The following EGFLAM variants were observed in gnomAD, a reference collection of about 807,000 sequenced individuals.
EGFLAM encodes the protein pikachurin.
EGFLAM carries 79 observed loss-of-function variants against 113.1 expected under a neutral mutation model. The ratio of observed to expected loss-of-function variants is 0.70; its 90% confidence interval spans 0.58 to 0.84. The LOEUF (loss-of-function observed/expected upper bound fraction) is 0.84. EGFLAM is among the 40% of genes least tolerant of loss of function. EGFLAM has a pLI of 0.00. For missense variants in EGFLAM, 1,265 were observed against 1,291.6 expected (o/e 0.98, Z 0.32); for synonymous variants, 504 against 487.6 (o/e 1.03, Z -0.44).
At chr5:38,284,099 C>T (rs1292700954) in intron 1 of EGFLAM, 1 of 152,274 alleles carries the variant, frequency 6.6e-6, no homozygotes, top group Non-Finnish European at 1.5e-5. Context: ...CAAAGTGAGG[C>T]ACTACTGAAG....
intron 1 of EGFLAM, among the ~76,000 whole-genome samples, chr5:38,301,955 T>TA (rs1418198408): frequency 1.3e-5 from 2 of 152,184 alleles, no homozygotes; most frequent in East Asian, 3.9e-4. Context: ...CAGGAGGAGA[T>TA]CAGGCCAGGG....
intron 15 of EGFLAM, among the ~76,000 whole-genome samples, chr5:38,431,870 C>T (rs1279990374): frequency 1.3e-5 from 2 of 152,162 alleles, no homozygotes; most frequent in African/African-American, 4.8e-5. Flanking sequence ...TAAAACACAA[C>T]AGTACCTGAT....
chr5:38,446,850 T>C (rs1193998772), intron 17 of EGFLAM, among the ~76,000 whole-genome samples: 1 of 150,112 alleles, frequency 6.7e-6, no homozygotes, highest in Non-Finnish European at 1.5e-5. Flanking sequence ...GTTTCCGCTC[T>C]TTTTTTATGT....
intron 5 of EGFLAM, among the ~76,000 whole-genome samples, chr5:38,352,838 C>T (rs992900918): frequency 6.6e-6 from 1 of 152,186 alleles, no homozygotes; most frequent in African/African-American, 2.4e-5. Flanking sequence ...GTAAACCTAT[C>T]TGTATCACAT....
At chr5:38,451,922 G>A (rs887508160) in intron 19 of EGFLAM, among the ~76,000 whole-genome samples, 2 of 148,192 alleles carry the variant, frequency 1.3e-5, no homozygotes, top group Non-Finnish European at 3.0e-5. Context: ...AACCCATGAG[G>A]CAGATGTTGC....
chr5:38,283,747 G>A (rs1340066868), intron 1 of EGFLAM, among the ~76,000 whole-genome samples: 1 of 152,208 alleles, frequency 6.6e-6, no homozygotes, highest in Admixed American at 6.5e-5. Context: ...GAAGAAACAC[G>A]TATGTAGTGG....
intron 20 of EGFLAM, among the ~76,000 whole-genome samples, chr5:38,462,000 C>T (rs1302158996): frequency 4.0e-5 from 6 of 151,874 alleles, no homozygotes; most frequent in Admixed American, 3.3e-4. Flanking sequence ...CCCGTCTCTA[C>T]TAAAAAAAAT....
chr5:38,361,605 C>A (rs374263654), intron 5 of EGFLAM, among the ~76,000 whole-genome samples: 1 of 151,264 alleles, frequency 6.6e-6, no homozygotes. Flanking sequence ...AACACACTAA[C>A]GATAGCTGAT....
At chr5:38,291,185 A>G (rs776492631) in intron 1 of EGFLAM, among the ~76,000 whole-genome samples, 1 of 152,212 alleles carries the variant, frequency 6.6e-6, no homozygotes, top group Non-Finnish European at 1.5e-5. Context: ...CTTTTTCTGG[A>G]TTAGACTGTA....
intron 1 of EGFLAM, among the ~76,000 whole-genome samples, chr5:38,275,232 A>G (rs1757858857): frequency 6.6e-6 from 1 of 152,210 alleles, no homozygotes; most frequent in Non-Finnish European, 1.5e-5. Context: ...CCTATCAATA[A>G]TTACTTTGAA....
At chr5:38,400,591 G>T (rs1403866539) in intron 6 of EGFLAM, among the ~76,000 whole-genome samples, 1 of 152,190 alleles carries the variant, frequency 6.6e-6, no homozygotes, top group African/African-American at 2.4e-5. Flanking sequence ...ATCTGAGGTG[G>T]CGGGGCAGTC....
rs111589979 is a variant in EGFLAM at position 38,267,584 on chromosome 5, A to C, written c.97+8733A>C. 4.0e-3 allele frequency among the ~76,000 whole-genome samples: 606 copies of C among 152,330 alleles called. 4 individuals carry two copies. Among genetic ancestry groups the C allele is most frequent in the African/African-American group, 0.014 (582 of 41,570 alleles). On this transcript the variant is annotated intron_variant, in intron 1 of 21. Transcript: ENST00000322350. ...TTTATTTTTTAAGTACTTCAATATA[A>C]ACAGTGACTCTACGAATTACTTTAA...
Position 38,406,902 on chromosome 5 carries a change from C to T in EGFLAM, c.903C>T (p.Asn301=), listed in dbSNP as rs1193948951. The T allele has an allele frequency of 1.9e-6, 3 of 1,614,072 alleles. No individual in the cohort carries two copies. Among genetic ancestry groups the T allele is most frequent in the South Asian group, 1.1e-5 (1 of 91,088 alleles). Residue 301 remains asparagine, a synonymous_variant, in exon 8 of 22, where the codon AAC becomes AAT. Coordinates refer to ENST00000322350, the MANE Select transcript of EGFLAM (RefSeq NM_152403.4). ...LVESKKMSIS[N]PKTISRLIPP... is the part of the protein sequence containing the mutation. ...AAAGCAAGAAGATGTCTATATCTAA[C>T]CCAAAGACCATTTCTAGGCTCATCC...
chr5:38,364,242 A>G (rs1439932457), intron 5 of EGFLAM, among the ~76,000 whole-genome samples: 3 of 152,196 alleles, frequency 2.0e-5, no homozygotes, highest in Non-Finnish European at 4.4e-5. Flanking sequence ...CTACTGGGGA[A>G]TGCAGATGGA....
At chr5:38,413,541 A>G (rs1408226010) in intron 11 of EGFLAM, among the ~76,000 whole-genome samples, 1 of 152,124 alleles carries the variant, frequency 6.6e-6, no homozygotes, top group Admixed American at 6.5e-5. Flanking sequence ...TAGTATTCAC[A>G]TATTTGTTAT....
chr5:38,370,315 T>C lies in EGFLAM; in HGVS notation c.565T>C (p.Trp189Arg). ...EFIRPDFDKK[W>R]TSIHERIQMD... is the part of the protein sequence containing the mutation. ...ATAAAGGCCAGATTTCGACAAGAAG[T>C]GGACCTCAATCCATGAGCGGATCCA... The change falls in exon 6 of 22, where the codon TGG becomes CGG. Residue 189 changes from tryptophan (W) to arginine (R), a missense_variant. Transcript: ENST00000322350. 6.2e-7 allele frequency: 1 copy of C among 1,614,046 alleles called. No individual in the cohort carries two copies. The highest frequency in any genetic ancestry group is 8.5e-7 in the Non-Finnish European group (1 of 1,179,898).
Position 38,438,300 on chromosome 5 carries a change from A to G in EGFLAM, c.2309A>G (p.His770Arg). The change falls in exon 17 of 22, where the codon CAT becomes CGT. Residue 770 changes from histidine to arginine, a missense_variant. His to Arg is a conservative substitution (Grantham distance 29). Transcript: ENST00000322350. ...QKIILNDRTI[H>R]VKHDFTSGVN... ...ATCATCCTGAATGACCGAACCATCC[A>G]TGTGAAGCATGACTTCACCTCCGGA... The G allele has an allele frequency of 6.2e-7, 1 of 1,613,830 alleles. No individual in the cohort carries two copies. Among genetic ancestry groups the G allele is most frequent in the Non-Finnish European group, 8.5e-7 (1 of 1,179,816 alleles).
chr5:38,258,610 T>A lies in EGFLAM; in HGVS notation c.-145T>A. On this transcript the variant is annotated 5_prime_UTR_variant, in exon 1 of 22. Coordinates refer to ENST00000322350, the MANE Select transcript of EGFLAM (RefSeq NM_152403.4). Reference sequence around the variant, plus strand: ...CAGTCCTACCTCTTGGAACTACCCGTGTTTCCGGGCCCAGCCCTCGCAGCC... The same window carrying A: ...CAGTCCTACCTCTTGGAACTACCCGAGTTTCCGGGCCCAGCCCTCGCAGCC... 1.1e-6 allele frequency: 1 copy of A among 887,514 alleles called. No individual in the cohort carries two copies. Among genetic ancestry groups the A allele is most frequent in the South Asian group, 1.5e-5 (1 of 66,074 alleles). 55.0% of individuals were successfully genotyped at this position (887,514 alleles called of 1,614,324 possible). A position where few individuals can be genotyped will look rare whatever the true frequency, so the allele number is the denominator to read the frequency against.
intron 6 of EGFLAM, among the ~76,000 whole-genome samples, chr5:38,398,684 A>G (rs1355199618): frequency 1.3e-5 from 2 of 152,210 alleles, no homozygotes; most frequent in African/African-American, 4.8e-5. Flanking sequence ...GAAGGAATAC[A>G]TTGGTGAGAG....
Sources: gnomAD v4.1 joint callset for allele counts (sites outside exome capture counted in the v4.1 genomes callset) on GRCh38, gnomAD v4.1.1 for gene constraint, MANE v1.5 for transcripts, NCBI Gene and HGNC (gene_info 2026-07-23, HGNC 2026-07-21) for gene names.